Variants in SYNE2 observed in about 807,000 individuals in gnomAD.
SYNE2 encodes the protein nesprin-2.
In SYNE2, 431 loss-of-function variants were observed where a neutral mutation model predicts 856.3. The ratio of observed to expected loss-of-function variants is 0.50; its 90% confidence interval spans 0.47 to 0.55. SYNE2 has a LOEUF of 0.55. Ranked by LOEUF, SYNE2 falls within the 20% of genes least tolerant of loss-of-function variation. The pLI, the probability that SYNE2 is intolerant of heterozygous loss-of-function variation, is 0.00. For synonymous variants in SYNE2, 2,923 were observed against 2,872.3 expected (o/e 1.02, Z -0.56); for missense variants, 8,129 against 8,023.2 (o/e 1.01, Z -0.50).
chr14:64,219,193 AT>A lies in SYNE2; in HGVS notation c.19658-9del. ...GCATTATTGCTTTTTTTAATTGGCGATTTTTTAATTCCAGGTGCCTTCGACA... is the reference window on the plus strand; with the variant it reads ...GCATTATTGCTTTTTTTAATTGGCGATTTTTAATTCCAGGTGCCTTCGACA... On this transcript the variant is annotated splice_polypyrimidine_tract_variant and intron_variant, in intron 109 of 115. Coordinates refer to ENST00000555002, the MANE Select transcript of SYNE2 (RefSeq NM_182914.3). 1 of 1,579,770 alleles carries A rather than the reference AT, an allele frequency of 6.3e-7. No individual in the cohort carries two copies.
At chr14:64,122,230 T>C (rs2097903683) in intron 69 of SYNE2, 56 bp from the exon 70 acceptor site, 1 of 1,614,056 alleles carries the variant, frequency 6.2e-7, no homozygotes, top group Non-Finnish European at 8.5e-7. Context: ...ACTGTGAATG[T>C]AATACAAAAT....
intron 1 of SYNE2, among the ~76,000 whole-genome samples, chr14:63,767,124 T>G (rs79907776): frequency 6.6e-6 from 1 of 151,604 alleles, no homozygotes; most frequent in Non-Finnish European, 1.5e-5. Context: ...TTTTTTTTTT[T>G]GAGATGGAGT....
intron 78 of SYNE2, 41 bp from the exon 79 acceptor site, chr14:64,137,746 A>G (rs762633195): frequency 2.5e-6 from 4 of 1,606,070 alleles, no homozygotes; most frequent in Non-Finnish European, 3.4e-6. Flanking sequence ...GGCAGACTTT[A>G]TTTTCTAAAT....
rs141474837 is a variant in SYNE2, at chr14:64,225,398, C to T, written c.20596C>T (p.Leu6866=). Residue 6866 remains leucine (L), a synonymous_variant, in exon 116 of 116, where the codon CTG becomes TTG. Transcript: ENST00000555002. Reference sequence around the variant, plus strand: ...AGCCCTACCCCTGCAGCTGCTCCTCCTGCTGCTGCTGCTCCTGGCCTGCCT... The same window carrying T: ...AGCCCTACCCCTGCAGCTGCTCCTCTTGCTGCTGCTGCTCCTGGCCTGCCT... ...RAALPLQLLL[L]LLLLLACLLP... 5.0e-4 allele frequency: 805 copies of T among 1,613,812 alleles called. 3 individuals carry two copies. The African/African-American group carries it at 9.6e-3, about 19-fold the overall frequency.
At chr14:64,055,909 A>C (rs1465526165) in intron 48 of SYNE2, 35 bp from the exon 49 acceptor site, 1 of 1,582,820 alleles carries the variant, frequency 6.3e-7, no homozygotes, top group Non-Finnish European at 8.7e-7. Context: ...AAAGTTTGAC[A>C]ATTTTGTCAC....
intron 32 of SYNE2, among the ~76,000 whole-genome samples, chr14:64,011,671 C>A (rs371024640): frequency 4.6e-5 from 7 of 152,302 alleles, no homozygotes; most frequent in African/African-American, 1.7e-4. Flanking sequence ...CTCCTCACTT[C>A]TGGCACCTTT....
At chr14:63,862,099 ATTAT>A (rs1407010338) in intron 1 of SYNE2, among the ~76,000 whole-genome samples, 1 of 152,208 alleles carries the variant, frequency 6.6e-6, no homozygotes, top group Non-Finnish European at 1.5e-5. Context: ...TGGATTTTAA[ATTAT>A]TTGAGATATT....
chr14:63,800,978 A>T (rs1024694937), intron 1 of SYNE2, among the ~76,000 whole-genome samples: 2 of 152,192 alleles, frequency 1.3e-5, no homozygotes, highest in African/African-American at 4.8e-5. Context: ...AAATAAAATA[A>T]ATGATAATGT....
At chr14:64,063,826 G>A (rs1435671024) in intron 50 of SYNE2, among the ~76,000 whole-genome samples, 1 of 152,166 alleles carries the variant, frequency 6.6e-6, no homozygotes, top group Non-Finnish European at 1.5e-5. Flanking sequence ...ATGTACAGTA[G>A]TCCCCCTTTA....
chr14:64,010,192 T>C, intron 32 of SYNE2, 76 bp downstream of exon 32: 2 of 1,454,784 alleles, frequency 1.4e-6, no homozygotes, highest in Non-Finnish European at 1.9e-6. Context: ...ATATTATAGA[T>C]TAAGTCTTTT....
At position 64,009,882 on chromosome 14, in the gene SYNE2, T is replaced by A. The variant is rs2096830230; in HGVS notation, c.4578-84T>A. 4.0e-6 allele frequency: 5 copies of A among 1,243,288 alleles called. No individual in the cohort carries two copies. The South Asian group carries it at 6.3e-5, about 16-fold the overall frequency. 77.0% of individuals were successfully genotyped at this position (1,243,288 alleles called of 1,614,324 possible). A position where few individuals can be genotyped will look rare whatever the true frequency, so the allele number is the denominator to read the frequency against. On this transcript the variant is annotated intron_variant, in intron 31 of 115. Transcript: ENST00000555002. The stretch of plus-strand genomic sequence containing the variant: ...GGAAAAGTCCTTTACACCTTATTCA[T>A]CATTTATGTGGGATACTTGCAAAGA...
chr14:63,912,714 A>T (rs1204786581), intron 2 of SYNE2, among the ~76,000 whole-genome samples: 1 of 152,238 alleles, frequency 6.6e-6, no homozygotes, highest in Non-Finnish European at 1.5e-5. Flanking sequence ...GCAAGAAAAG[A>T]TTAAAATGTC....
intron 66 of SYNE2, among the ~76,000 whole-genome samples, chr14:64,118,622 G>A (rs1286323177): frequency 6.6e-6 from 1 of 152,054 alleles, no homozygotes; most frequent in East Asian, 1.9e-4. Flanking sequence ...CAGCACTTTG[G>A]GAGGCCTAGG....
At position 63,843,139 on chromosome 14, in the gene SYNE2, T is replaced by G. The variant is rs991121759; in HGVS notation, c.-304-9362T>G. On this transcript the variant is annotated intron_variant, in intron 1 of 23. Transcript: ENST00000674003. ...GCAACCTCTACCTCCCAGGCTCAAG[T>G]GATCCTCCCACCTTAGCCTTTGGAG... 2.6e-5 allele frequency among the ~76,000 whole-genome samples: 4 copies of G among 152,204 alleles called. No individual in the cohort carries two copies. The East Asian group carries it at 7.7e-4, about 29-fold the overall frequency.
At position 63,797,688 on chromosome 14, in the gene SYNE2, C is replaced by T. The variant is rs113856102; in HGVS notation, c.-305+35702C>T. ...AACTCCTGACCACAAGTGATCCACC[C>T]GCCTTGGCCTCCCAAAGCGATGGGA... On this transcript the variant is annotated intron_variant, in intron 1 of 23. Transcript: ENST00000674003. Among the ~76,000 whole-genome samples, 201 of 152,334 alleles carry T rather than the reference C, an allele frequency of 1.3e-3. 2 individuals carry two copies. The highest frequency in any genetic ancestry group is 4.6e-3 in the African/African-American group (190 of 41,582).
At chr14:64,145,612 T>G (rs949901252) in intron 83 of SYNE2, among the ~76,000 whole-genome samples, 1 of 152,118 alleles carries the variant, frequency 6.6e-6, no homozygotes, top group South Asian at 2.1e-4. Context: ...ATAAAAAATT[T>G]ATTATGAATG....
At chr14:64,033,947 C>G (rs2097063764) in intron 45 of SYNE2, among the ~76,000 whole-genome samples, 1 of 151,916 alleles carries the variant, frequency 6.6e-6, no homozygotes, top group Non-Finnish European at 1.5e-5. Context: ...TTTTCTGTAT[C>G]TGTATGGCTT....
intron 1 of SYNE2, among the ~76,000 whole-genome samples, chr14:63,865,724 C>G (rs796305510): frequency 0.011 from 1,058 of 95,386 alleles, 52 homozygotes; most frequent in Non-Finnish European, 0.015. Flanking sequence ...ACCCCCCCCC[C>G]AAAAAAAAAG....
chr14:63,815,226 AT>A, intron 1 of SYNE2, among the ~76,000 whole-genome samples: 1 of 136,904 alleles, frequency 7.3e-6, no homozygotes. Context: ...CCATATATAT[AT>A]CCATATATAT....
Sources: allele counts gnomAD v4.1 joint callset (sites outside exome capture counted in the v4.1 genomes callset), GRCh38; gene constraint gnomAD v4.1.1; transcripts MANE v1.5; gene names NCBI Gene and HGNC (gene_info 2026-07-23, HGNC 2026-07-21).